Variants in ZNF736 observed in about 807,000 individuals in gnomAD.
The protein encoded by ZNF736 is KRAB-containing zinc-finger repressor protein.
In ZNF736, 6 loss-of-function variants were observed where a neutral mutation model predicts 11.7. That is an observed-to-expected ratio of 0.51 (90% CI 0.28 to 1.01). The LOEUF (loss-of-function observed/expected upper bound fraction) is 1.01. Among genes scored for constraint, ZNF736 ranks in the 50% least tolerant of loss-of-function variants. The pLI is 0.09. For synonymous variants in ZNF736, 139 were observed against 164.7 expected, an observed-to-expected ratio of 0.84 and a Z score of 1.19; for missense variants, 444 against 496.0, an observed-to-expected ratio of 0.90 and a Z score of 1.00.
At position 64,346,116 on chromosome 7, in the gene ZNF736, T is replaced by A. The variant is rs1259833250; in HGVS notation, c.227-1974T>A. 2.6e-5 allele frequency among the ~76,000 whole-genome samples: 4 copies of A among 152,350 alleles called. No individual in the cohort carries two copies. In the East Asian group the frequency reaches 7.7e-4, roughly 29 times the overall value. On this transcript the variant is annotated intron_variant, in intron 3 of 3. Coordinates refer to ENST00000423484, the MANE Select transcript of ZNF736 (RefSeq NM_001170905.3). Reference sequence around the variant, plus strand: ...TTTTTGCTTCAGTTCCGTCAATGTTTGCTTTATGTGTTTGGGAAAACTGTC... The same window carrying A: ...TTTTTGCTTCAGTTCCGTCAATGTTAGCTTTATGTGTTTGGGAAAACTGTC...
intron 1 of ZNF736, among the ~76,000 whole-genome samples, chr7:64,329,854 T>C (rs1240095713): frequency 6.6e-6 from 1 of 152,166 alleles, no homozygotes; most frequent in Admixed American, 6.5e-5. Flanking sequence ...GGCAGTGAGC[T>C]CTGGGCTGGG....
intron 3 of ZNF736, among the ~76,000 whole-genome samples, chr7:64,347,271 T>G (rs1272700228): frequency 1.5e-5 from 2 of 134,002 alleles, no homozygotes; most frequent in African/African-American, 2.9e-5. Flanking sequence ...CAGACTGGAG[T>G]GCAATGTTAC....
chr7:64,323,254 T>C (rs1193420413), intron 1 of ZNF736, among the ~76,000 whole-genome samples: 2 of 152,196 alleles, frequency 1.3e-5, no homozygotes, highest in Non-Finnish European at 2.9e-5. Context: ...AAATATTTTT[T>C]AAAAATACCG....
chr7:64,347,888 G>C (rs980948601), intron 3 of ZNF736, among the ~76,000 whole-genome samples: 1 of 152,170 alleles, frequency 6.6e-6, no homozygotes, highest in African/African-American at 2.4e-5. Context: ...TGCTCACTTG[G>C]TGTGCCGCAA....
At chr7:64,317,631 A>G (rs1383556512) in intron 1 of ZNF736, among the ~76,000 whole-genome samples, 1 of 152,172 alleles carries the variant, frequency 6.6e-6, no homozygotes, top group Non-Finnish European at 1.5e-5. Context: ...TCTTCATAAA[A>G]GTAGAAAATC....
At chr7:64,320,594 T>C (rs1788990355) in intron 1 of ZNF736, among the ~76,000 whole-genome samples, 1 of 152,168 alleles carries the variant, frequency 6.6e-6, no homozygotes, top group Non-Finnish European at 1.5e-5. Context: ...ACATTTCAAA[T>C]ACATGGTAAG....
Position 64,331,906 on chromosome 7 carries a change from T to C in ZNF736, c.4-4353T>C, listed in dbSNP as rs537506866. On this transcript the variant is annotated intron_variant, in intron 1 of 3. Coordinates refer to ENST00000423484, the MANE Select transcript of ZNF736 (RefSeq NM_001170905.3). ...GGAAACTCACATTTTGGTTTTTATGTAGGATTTTACTGGTTCTGAACCTCT... is the reference window on the plus strand; with the variant it reads ...GGAAACTCACATTTTGGTTTTTATGCAGGATTTTACTGGTTCTGAACCTCT... 7.2e-5 allele frequency among the ~76,000 whole-genome samples: 11 copies of C among 152,234 alleles called. No individual in the cohort carries two copies. In the South Asian group the frequency reaches 2.3e-3, roughly 32 times the overall value.
intron 1 of ZNF736, among the ~76,000 whole-genome samples, chr7:64,316,222 G>A (rs1461747107): frequency 3.3e-5 from 5 of 152,344 alleles, no homozygotes; most frequent in Admixed American, 2.6e-4. Context: ...CCTCTCAGGG[G>A]AGCAGCTGGA....
Position 64,356,438 on chromosome 7 carries a change from T to C in ZNF736, c.*7291T>C, listed in dbSNP as rs1343291558. 3.9e-5 allele frequency among the ~76,000 whole-genome samples: 6 copies of C among 152,282 alleles called. No individual in the cohort carries two copies. The East Asian group carries it at 9.6e-4, about 24-fold the overall frequency. The stretch of plus-strand genomic sequence containing the variant: ...ATTTGAGAATTAATATTACCCAACT[T>C]GTCCAATAAAATGTTTTTAAGTTGC... On this transcript the variant is annotated 3_prime_UTR_variant, in exon 4 of 4. Coordinates refer to ENST00000423484, the MANE Select transcript of ZNF736 (RefSeq NM_001170905.3).
chr7:64,336,444 A>AT (rs60337982), intron 2 of ZNF736, 59 bp downstream of exon 2: 3 of 1,469,500 alleles, frequency 2.0e-6, no homozygotes, highest in Non-Finnish European at 1.8e-6. Context: ...TTTTCTTCTG[A>AT]TTTTTTTGGA....
intron 3 of ZNF736, among the ~76,000 whole-genome samples, chr7:64,344,148 T>C (rs1042240719): frequency 1.3e-5 from 2 of 151,772 alleles, no homozygotes; most frequent in Non-Finnish European, 2.9e-5. Flanking sequence ...AGTAAAAATA[T>C]AAAATTAGCC....
intron 1 of ZNF736, among the ~76,000 whole-genome samples, chr7:64,329,342 G>T (rs969155441): frequency 6.6e-6 from 1 of 152,034 alleles, no homozygotes; most frequent in Non-Finnish European, 1.5e-5. Flanking sequence ...AATGAGTTAG[G>T]TATTTATTTT....
At chr7:64,334,830 T>C (rs1257093956) in intron 1 of ZNF736, among the ~76,000 whole-genome samples, 1 of 152,178 alleles carries the variant, frequency 6.6e-6, no homozygotes, top group Non-Finnish European at 1.5e-5. Flanking sequence ...TAAAGACACA[T>C]GCACACATAT....
chr7:64,321,397 A>G (rs1293764155), intron 1 of ZNF736, among the ~76,000 whole-genome samples: 2 of 152,206 alleles, frequency 1.3e-5, no homozygotes, highest in Non-Finnish European at 2.9e-5. Context: ...AATTAGAAGC[A>G]ATAGAAAACA....
intron 3 of ZNF736, among the ~76,000 whole-genome samples, chr7:64,345,104 A>G (rs984711450): frequency 2.0e-5 from 3 of 151,374 alleles, no homozygotes; most frequent in Non-Finnish European, 4.4e-5. Flanking sequence ...GCTCACTGCA[A>G]GCTCTGCCTC....
chr7:64,351,117 G>C lies in ZNF736; in HGVS notation c.*1970G>C, dbSNP rs1789481592. Reference sequence around the variant, plus strand: ...CAGGATACTGGCCAGTAAAGGTTTTGATGCCTTCTCTGTGCCCCCCAAGAA... The same window carrying C: ...CAGGATACTGGCCAGTAAAGGTTTTCATGCCTTCTCTGTGCCCCCCAAGAA... On this transcript the variant is annotated 3_prime_UTR_variant, in exon 4 of 4. Transcript: ENST00000423484. 2 of 152,482 alleles carry C rather than the reference G, an allele frequency of 1.3e-5. No individual in the cohort carries two copies. The highest frequency in any genetic ancestry group is 2.9e-5 in the Non-Finnish European group (2 of 68,298). 9.4% of individuals were successfully genotyped at this position (152,482 alleles called of 1,614,324 possible).
At chr7:64,338,194 C>T (rs1391033653) in intron 3 of ZNF736, among the ~76,000 whole-genome samples, 1 of 152,060 alleles carries the variant, frequency 6.6e-6, no homozygotes, top group African/African-American at 2.4e-5. Flanking sequence ...ATGTGTATGA[C>T]ACACATATAA....
In ZNF736 at chr7:64,348,511, T is replaced by A. The variant is rs1218618292; in HGVS notation, c.648T>A (p.Leu216=). 3.2e-6 allele frequency: 5 copies of A among 1,572,190 alleles called. No homozygotes were observed. The highest frequency in any genetic ancestry group is 1.4e-5 in the African/African-American group (1 of 73,562). Residue 216 remains leucine, a synonymous_variant, in exon 4 of 4, where the codon CTT becomes CTA. Coordinates refer to ENST00000423484, the MANE Select transcript of ZNF736 (RefSeq NM_001170905.3). ...AAGCGTTTAAAAAGTTTTCAAACCT[T>A]ACTGAACATAAGAGAGTTCATACTG... The part of the protein sequence containing the change: ...CGKAFKKFSN[L]TEHKRVHTGE...
At chr7:64,319,295 A>G (rs771345353) in intron 1 of ZNF736, among the ~76,000 whole-genome samples, 22 of 120,636 alleles carry the variant, frequency 1.8e-4, no homozygotes, top group Admixed American at 5.3e-4. Context: ...GTATGTATGT[A>G]TGTGTGTGTG....
Sources: gnomAD v4.1 joint callset for allele counts (sites outside exome capture counted in the v4.1 genomes callset) on GRCh38, gnomAD v4.1.1 for gene constraint, MANE v1.5 for transcripts, NCBI Gene and HGNC (gene_info 2026-07-23, HGNC 2026-07-21) for gene names.